The following MYOM1 variants were observed in gnomAD, a reference collection of about 807,000 sequenced individuals.
MYOM1 encodes the protein myomesin-1.
A neutral mutation model predicts 205.3 loss-of-function variants in MYOM1; 164 were observed. The ratio of observed to expected loss-of-function variants is 0.80; its 90% confidence interval spans 0.70 to 0.91. MYOM1 has a LOEUF of 0.91. MYOM1 is among the 40% of genes least tolerant of loss of function. MYOM1 has a pLI of 0.00. For synonymous variants in MYOM1, 772 were observed against 789.4 expected (o/e 0.98, Z 0.37); for missense variants, 2,011 against 2,127.3 (o/e 0.95, Z 1.08).
intron 13 of MYOM1, among the ~76,000 whole-genome samples, chr18:3,147,808 A>T (rs187124857): frequency 6.6e-6 from 1 of 152,354 alleles, no homozygotes; most frequent in Non-Finnish European, 1.5e-5. Flanking sequence ...AGTATGAACG[A>T]TAGTAATAAT....
At position 3,116,371 on chromosome 18, in the gene MYOM1, C is replaced by T. The variant is rs866361705; in HGVS notation, c.3263G>A (p.Arg1088Gln). 3.7e-6 allele frequency: 6 copies of T among 1,612,706 alleles called. No individual in the cohort carries two copies. Among genetic ancestry groups the T allele is most frequent in the Middle Eastern group, 1.9e-4 (1 of 5,280 alleles). Residue 1088 changes from arginine to glutamine, a missense_variant, in exon 21 of 38, where the codon CGA (arginine) becomes CAA (glutamine). Coordinates refer to ENST00000356443, the MANE Select transcript of MYOM1 (RefSeq NM_003803.4). ...TTTAATAGCCGCCTCATTGAGCCCTCGCCACTGGTCTTCTTTGGCCTTGGC... is the reference window on the plus strand; with the variant it reads ...TTTAATAGCCGCCTCATTGAGCCCTTGCCACTGGTCTTCTTTGGCCTTGGC... ...KEAKAKEDQW[R>Q]GLNEAAIKNV...
upstream of MYOM1, among the ~76,000 whole-genome samples, chr18:3,222,463 A>C (rs2081336189): frequency 6.6e-6 from 1 of 152,216 alleles, no homozygotes; most frequent in African/African-American, 2.4e-5. Flanking sequence ...CTTGAGTATC[A>C]ATGAATCAAT....
At chr18:3,173,825 C>T (rs2080594864) in intron 8 of MYOM1, 113 bp downstream of exon 8, 1 of 968,376 alleles carries the variant, frequency 1.0e-6, no homozygotes, top group Non-Finnish European at 1.6e-6. Context: ...CTACATCCAA[C>T]CTAGCATATA....
the MYOM1 span, among the ~76,000 whole-genome samples, chr18:3,233,828 C>T: frequency 1.3e-5 from 2 of 152,190 alleles, no homozygotes. Context: ...TGCAAGAGAC[C>T]ATACAGACTC....
At chr18:3,150,480 T>C (rs886555824) in intron 12 of MYOM1, among the ~76,000 whole-genome samples, 2 of 152,104 alleles carry the variant, frequency 1.3e-5, no homozygotes, top group Non-Finnish European at 2.9e-5. Flanking sequence ...GCCCTTTAGG[T>C]GACATTTGGT....
chr18:3,113,193 C>CATATATACACACATGTATAT (rs71159043), intron 21 of MYOM1, among the ~76,000 whole-genome samples: 4 of 30,584 alleles, frequency 1.3e-4, no homozygotes, highest in South Asian at 2.1e-3. Flanking sequence ...CACACACATA[C>CATATATACACACATGTATAT]ATATATACAC....
intron 11 of MYOM1, among the ~76,000 whole-genome samples, chr18:3,153,780 A>G (rs2144000793): frequency 6.6e-6 from 1 of 152,342 alleles, no homozygotes; most frequent in Middle Eastern, 3.4e-3. Context: ...TTGTGCTAAT[A>G]TGACACAGAT....
chr18:3,210,004 G>A (rs9947287), intron 2 of MYOM1, among the ~76,000 whole-genome samples: 7,690 of 152,232 alleles, frequency 0.051, 580 homozygotes, highest in African/African-American at 0.17. Flanking sequence ...CTCACTGGGT[G>A]TTCCCCCTGT....
At chr18:3,157,656 G>A (rs2080320583) in intron 10 of MYOM1, among the ~76,000 whole-genome samples, 1 of 149,332 alleles carries the variant, frequency 6.7e-6, no homozygotes, top group Admixed American at 6.7e-5. Flanking sequence ...CAGCCTGGGT[G>A]ACAGAGCAAG....
intron 14 of MYOM1, among the ~76,000 whole-genome samples, chr18:3,138,414 T>A (rs1156792815): frequency 6.6e-6 from 1 of 152,144 alleles, no homozygotes; most frequent in African/African-American, 2.4e-5. Context: ...AGGGATGGGA[T>A]CTGGTCCCTT....
rs753934207 is a variant in MYOM1, at chr18:3,134,824, T to C, written c.2210A>G (p.Asp737Gly). 6.2e-7 allele frequency: 1 copy of C among 1,614,010 alleles called. No individual in the cohort carries two copies. Reference protein sequence around the residue: ...TEVTVVGDKLDIPKAPGKIIP... With the variant: ...TEVTVVGDKLGIPKAPGKIIP... ...GATTTTGCCAGGAGCCTTGGGGATA[T>C]CTGAGAAAGAGGAAAATGGTGATCA... The change falls in exon 16 of 38, where the codon GAT becomes GGT. Residue 737 changes from aspartate to glycine, a missense_variant and splice_region_variant. By Grantham distance (94) the Asp-to-Gly change is moderately conservative (BLOSUM62 -1). Transcript: ENST00000356443.
intron 10 of MYOM1, among the ~76,000 whole-genome samples, chr18:3,160,084 C>T (rs2080365793): frequency 8.0e-6 from 1 of 124,644 alleles, no homozygotes; most frequent in Admixed American, 7.8e-5. Flanking sequence ...TCTTCCTCCT[C>T]CTCCTTCTTC....
intron 21 of MYOM1, among the ~76,000 whole-genome samples, chr18:3,112,614 G>C (rs1300817403): frequency 6.6e-6 from 1 of 152,208 alleles, no homozygotes; most frequent in Non-Finnish European, 1.5e-5. Context: ...TAGACCATCT[G>C]TAGATAGAGA....
the MYOM1 span, among the ~76,000 whole-genome samples, chr18:3,244,622 G>A: frequency 2.0e-4 from 30 of 151,696 alleles, no homozygotes; most frequent in African/African-American, 7.0e-4. Flanking sequence ...CAGGTGTGGC[G>A]TCTCATGCCT....
intron 9 of MYOM1, among the ~76,000 whole-genome samples, chr18:3,165,066 A>G (rs1258873014): frequency 1.3e-5 from 2 of 152,184 alleles, no homozygotes; most frequent in Non-Finnish European, 2.9e-5. Context: ...GAGCTGTTAA[A>G]AAAGTTATAT....
In MYOM1 at chr18:3,078,123, C is replaced by A. The variant is rs1345910118; in HGVS notation, c.4648+1056G>T. Among the ~76,000 whole-genome samples the A allele has an allele frequency of 6.6e-5, 10 of 152,040 alleles. No individual in the cohort carries two copies. In the East Asian group the frequency reaches 1.9e-3, roughly 29 times the overall value. ...GTGGCGTGATCTCAAATCACTGCAA[C>A]CTCCGCCACATGGGTTCAAATGATT... On this transcript the variant is annotated intron_variant, in intron 34 of 37. Transcript: ENST00000356443.
At chr18:3,141,264 G>T (rs191472993) in intron 14 of MYOM1, among the ~76,000 whole-genome samples, 1 of 152,108 alleles carries the variant, frequency 6.6e-6, no homozygotes, top group East Asian at 1.9e-4. Flanking sequence ...CCTCAAATAC[G>T]GATATGTGTT....
At chr18:3,182,609 T>C (rs1353350659) in intron 5 of MYOM1, among the ~76,000 whole-genome samples, 1 of 152,190 alleles carries the variant, frequency 6.6e-6, no homozygotes, top group African/African-American at 2.4e-5. Context: ...TCCTAGAACT[T>C]TTGTCCCTTT....
At chr18:3,115,440 G>A (rs1051083358) in intron 21 of MYOM1, among the ~76,000 whole-genome samples, 1 of 152,202 alleles carries the variant, frequency 6.6e-6, no homozygotes, top group Non-Finnish European at 1.5e-5. Flanking sequence ...AGGCAGGTCA[G>A]GGAGAGATCT....
Sources: gnomAD v4.1 joint callset for allele counts (sites outside exome capture counted in the v4.1 genomes callset) on GRCh38, gnomAD v4.1.1 for gene constraint, MANE v1.5 for transcripts, NCBI Gene and HGNC (gene_info 2026-07-23, HGNC 2026-07-21) for gene names.